Variants in WDR37 observed in about 807,000 individuals in gnomAD.
The protein encoded by WDR37 is WD repeat-containing protein 37.
Under a neutral mutation model 62.9 loss-of-function variants are expected in WDR37, and 19 were observed. That is an observed-to-expected ratio of 0.30 (90% confidence interval 0.21 to 0.44). The LOEUF is 0.44. Among genes scored for constraint, WDR37 ranks in the 20% least tolerant of loss-of-function variants. The pLI, the probability that WDR37 is intolerant of heterozygous loss-of-function variation, is 1.00. For missense variants in WDR37, 474 were observed against 657.6 expected (o/e 0.72, Z 3.05); for synonymous variants, 250 against 260.9 (o/e 0.96, Z 0.40).
chr10:1,123,927 G>C, intron 11 of WDR37: 1 of 349,364 alleles, frequency 2.9e-6, no homozygotes, highest in Non-Finnish European at 5.2e-6. Flanking sequence ...TAGACATTTG[G>C]GCATGTTCTG....
At chr10:1,126,820 T>G (rs1376508852) in intron 13 of WDR37, among the ~76,000 whole-genome samples, 2 of 152,194 alleles carry the variant, frequency 1.3e-5, no homozygotes, top group Non-Finnish European at 2.9e-5. Flanking sequence ...TGAGACCGGG[T>G]GTCTCTTCAG....
intron 9 of WDR37, among the ~76,000 whole-genome samples, chr10:1,101,712 G>T (rs963572579): frequency 3.9e-5 from 6 of 152,160 alleles, no homozygotes; most frequent in African/African-American, 1.4e-4. Context: ...AGCTGTTCCC[G>T]ACTTTGCCTC....
intron 1 of WDR37, among the ~76,000 whole-genome samples, chr10:1,059,676 T>C (rs1411290570): frequency 1.3e-5 from 2 of 151,714 alleles, no homozygotes; most frequent in African/African-American, 4.8e-5. Context: ...TGGGTGCTTG[T>C]AACCCCAACT....
intron 5 of WDR37, among the ~76,000 whole-genome samples, chr10:1,081,823 A>G (rs1353871536): frequency 1.3e-5 from 2 of 152,202 alleles, no homozygotes; most frequent in Non-Finnish European, 2.9e-5. Context: ...AGTTGTATAT[A>G]TACAATGTAT....
chr10:1,122,844 C>A (rs931370420), intron 11 of WDR37, among the ~76,000 whole-genome samples: 1 of 152,212 alleles, frequency 6.6e-6, no homozygotes. Context: ...CAGATTTTGC[C>A]TGGGTTTCTT....
chr10:1,074,381 G>T, intron 2 of WDR37: 2 of 1,290,386 alleles, frequency 1.5e-6, no homozygotes, highest in Non-Finnish European at 2.0e-6. Flanking sequence ...AGGTAGCTCA[G>T]AGGTCTCCAA....
intron 5 of WDR37, among the ~76,000 whole-genome samples, chr10:1,083,562 G>A (rs567198502): frequency 1.3e-5 from 2 of 152,190 alleles, no homozygotes; most frequent in South Asian, 4.1e-4. Context: ...TTACTTAACA[G>A]CTGGACAGCT....
In WDR37 at chr10:1,080,067, G is replaced by T; in HGVS notation, c.292G>T (p.Asp98Tyr). The part of the protein sequence containing the change: ...ERLAAEGQAI[D>Y]GAELSKGQLK... ...TTTAGCTGCTGAAGGACAAGCGATT[G>T]ATGGAGCAGAGCTGAGTAAGGGCCA... is the stretch of plus-strand genomic sequence containing the variant. The change falls in exon 4 of 14, where the codon GAT becomes TAT. Residue 98 changes from aspartate (D) to tyrosine (Y), a missense_variant. Coordinates refer to ENST00000263150, the MANE Select transcript of WDR37 (RefSeq NM_014023.4). The T allele has an allele frequency of 6.2e-7, 1 of 1,614,144 alleles. No individual in the cohort carries two copies. The highest frequency in any genetic ancestry group is 8.5e-7 in the Non-Finnish European group (1 of 1,180,028).
Position 1,121,561 on chromosome 10 carries a change from T to TA in WDR37, c.1104-2656dup, listed in dbSNP as rs1352210459. On this transcript the variant is annotated intron_variant, in intron 11 of 13. Transcript: ENST00000263150. This position sits in a 1 kb window ranked among gnomAD's most constrained non-coding sequence, Gnocchi z 4.5. The stretch of plus-strand genomic sequence containing the variant: ...CTCTCGTAACCCGTGCTGCTCTCGT[T>TA]ACCCAGGCTGGGCGTTTGCTTGTGT... 2.0e-5 allele frequency among the ~76,000 whole-genome samples: 3 copies of TA among 152,338 alleles called. No homozygotes were observed. The highest frequency in any genetic ancestry group is 3.4e-3 in the Middle Eastern group (1 of 294).
intron 7 of WDR37, among the ~76,000 whole-genome samples, chr10:1,090,333 A>C (rs1425695752): frequency 6.6e-6 from 1 of 151,960 alleles, no homozygotes; most frequent in Non-Finnish European, 1.5e-5. Flanking sequence ...TAAGTTTTGT[A>C]TTTTTAGTAG....
intron 11 of WDR37, among the ~76,000 whole-genome samples, chr10:1,115,428 G>A (rs539592874): frequency 6.6e-6 from 1 of 152,180 alleles, no homozygotes; most frequent in Non-Finnish European, 1.5e-5. Context: ...CAAACACCTG[G>A]GGGAGAGATT....
intron 13 of WDR37, among the ~76,000 whole-genome samples, chr10:1,126,420 G>A (rs369065820): frequency 0.021 from 3,103 of 148,226 alleles, 66 homozygotes; most frequent in Non-Finnish European, 0.033. Flanking sequence ...AAAAAAAAAA[G>A]AAACTCCCCG....
chr10:1,075,821 G>T (rs780936916), intron 2 of WDR37, among the ~76,000 whole-genome samples: 3 of 143,748 alleles, frequency 2.1e-5, no homozygotes, highest in Non-Finnish European at 3.0e-5. Context: ...TCGCTCCGTT[G>T]TCCAGGCTAG....
At chr10:1,112,563 C>A (rs2131675295) in intron 11 of WDR37, among the ~76,000 whole-genome samples, 1 of 152,346 alleles carries the variant, frequency 6.6e-6, no homozygotes, top group Non-Finnish European at 1.5e-5. Flanking sequence ...GGCAGAGAGG[C>A]TGAAAGCTGG....
rs1172380361 is a variant in WDR37, at chr10:1,126,319, TG to T, written c.1353+1297del. Among the ~76,000 whole-genome samples, 1,407 of 148,312 alleles carry T rather than the reference TG, an allele frequency of 9.5e-3. 30 individuals are homozygous for T. The highest frequency in any genetic ancestry group is 0.034 in the African/African-American group (1,316 of 39,056). ...TACTCGGGAGGCTGAGGCAGGAGAA[TG>T]GCGTGAACCCAGGAGGCGGAGCTTG... On this transcript the variant is annotated intron_variant, in intron 13 of 13. Coordinates refer to ENST00000263150, the MANE Select transcript of WDR37 (RefSeq NM_014023.4).
intron 11 of WDR37, among the ~76,000 whole-genome samples, chr10:1,117,469 C>A (rs554011972): frequency 6.6e-6 from 1 of 152,346 alleles, no homozygotes; most frequent in South Asian, 2.1e-4. Flanking sequence ...AGAAGGGCTA[C>A]TCAGGAACTC....
At chr10:1,087,052 C>A (rs1283664242) in intron 7 of WDR37, among the ~76,000 whole-genome samples, 1 of 152,246 alleles carries the variant, frequency 6.6e-6, no homozygotes, top group South Asian at 2.1e-4. Flanking sequence ...TGGCTCTGAG[C>A]GCCTGTCTGC....
At chr10:1,062,945 A>G (rs890090031) in intron 1 of WDR37, among the ~76,000 whole-genome samples, 1 of 152,036 alleles carries the variant, frequency 6.6e-6, no homozygotes, top group Middle Eastern at 3.2e-3. Context: ...AATTAGCCAG[A>G]TGTGCTGTTG....
Position 1,075,080 on chromosome 10 carries a change from G to C in WDR37, c.138+2787G>C, listed in dbSNP as rs967509276. 2.0e-5 allele frequency among the ~76,000 whole-genome samples: 3 copies of C among 152,224 alleles called. 1 individual carries two copies. The highest frequency in any genetic ancestry group is 2.0e-4 in the Admixed American group (3 of 15,284). On this transcript the variant is annotated intron_variant, in intron 2 of 13. Coordinates refer to ENST00000263150, the MANE Select transcript of WDR37 (RefSeq NM_014023.4). The stretch of plus-strand genomic sequence containing the variant: ...GTACCAAAAGTTCAACAACTCGTTT[G>C]AGAGTCTGTGAAATTGAATGGCACA...
Sources: gnomAD v4.1 joint callset for allele counts (sites outside exome capture counted in the v4.1 genomes callset) on GRCh38, gnomAD v4.1.1 for gene constraint, Gnocchi (gnomAD v3.1) non-coding constraint, MANE v1.5 for transcripts, NCBI Gene and HGNC (gene_info 2026-07-23, HGNC 2026-07-21) for gene names.